Variants in LSAMP observed in about 807,000 individuals in gnomAD.
The protein encoded by LSAMP is limbic system-associated membrane protein.
LSAMP carries 7 observed loss-of-function variants against 38.6 expected under a neutral mutation model. That is an observed-to-expected ratio of 0.18 (90% CI 0.10 to 0.34). The LOEUF is 0.34. Among genes scored for constraint, LSAMP ranks in the 10% least tolerant of loss-of-function variants. The pLI, the probability that LSAMP is intolerant of heterozygous loss-of-function variation, is 1.00. For missense variants in LSAMP, 313 were observed against 420.0 expected, an observed-to-expected ratio of 0.75 and a Z score of 2.23; for synonymous variants, 154 against 166.8, an observed-to-expected ratio of 0.92 and a Z score of 0.59.
At chr3:115,935,759 T>C (rs1937680282) in intron 3 of LSAMP, among the ~76,000 whole-genome samples, 1 of 152,148 alleles carries the variant, frequency 6.6e-6, no homozygotes. Context: ...TTTCACATCA[T>C]GACAATTCCA....
Position 115,803,570 on chromosome 3 carries a change from C to T in LSAMP, c.*6747G>A, listed in dbSNP as rs907120543. 1 of 152,238 alleles carries T rather than the reference C, an allele frequency of 6.6e-6. No homozygotes were observed. Among genetic ancestry groups the T allele is most frequent in the Non-Finnish European group, 1.5e-5 (1 of 68,050 alleles). The allele number at this position is 152,238 out of a possible 1,614,324, so 9.4% of individuals were successfully genotyped here. ...TTTGATTTTGGCCTTCACAACAATT[C>T]ATACTGTCTTCAACTCTGTAACCTC... On this transcript the variant is annotated 3_prime_UTR_variant, in exon 7 of 7. Coordinates refer to ENST00000490035, the MANE Select transcript of LSAMP (RefSeq NM_002338.5).
chr3:116,292,731 G>T (rs539786326), intron 1 of LSAMP, among the ~76,000 whole-genome samples: 2 of 152,286 alleles, frequency 1.3e-5, no homozygotes, highest in Admixed American at 6.5e-5. Flanking sequence ...AATGATTTTG[G>T]TTCCCAGCCT....
At chr3:116,362,698 T>C (rs1283749784) in intron 1 of LSAMP, among the ~76,000 whole-genome samples, 1 of 106,806 alleles carries the variant, frequency 9.4e-6, no homozygotes, top group Non-Finnish European at 1.8e-5. Context: ...AACTCAGGAT[T>C]AAGAATCTCA....
chr3:116,050,058 A>T (rs74871273), intron 2 of LSAMP, among the ~76,000 whole-genome samples: 2,288 of 152,174 alleles, frequency 0.015, 57 homozygotes, highest in African/African-American at 0.052. Context: ...TATCAATGAC[A>T]TCCTTGTCTC....
At chr3:116,373,741 C>T (rs2048461417) in intron 1 of LSAMP, among the ~76,000 whole-genome samples, 1 of 151,782 alleles carries the variant, frequency 6.6e-6, no homozygotes, top group African/African-American at 2.4e-5. Flanking sequence ...GGAATTGGAA[C>T]TGAATAATTT....
intron 1 of LSAMP, among the ~76,000 whole-genome samples, chr3:116,256,016 C>G (rs2046746045): frequency 1.3e-5 from 2 of 152,026 alleles, no homozygotes; most frequent in Admixed American, 1.3e-4. Context: ...CCTTGCTGAT[C>G]CTTCCTTGTT....
chr3:116,440,572 C>T (rs755112631), intron 1 of LSAMP, among the ~76,000 whole-genome samples: 2 of 152,120 alleles, frequency 1.3e-5, no homozygotes, highest in Admixed American at 6.5e-5. Context: ...GCTTTTCTTG[C>T]GAGATTTGCC....
intron 1 of LSAMP, among the ~76,000 whole-genome samples, chr3:116,331,142 G>A (rs2047846779): frequency 6.6e-6 from 1 of 152,048 alleles, no homozygotes; most frequent in Non-Finnish European, 1.5e-5. Context: ...CAAAGACATA[G>A]GTGACCAGTT....
rs369985649 is a variant in LSAMP at position 116,147,170 on chromosome 3, C to T, written c.156-60614G>A. 5.3e-5 allele frequency among the ~76,000 whole-genome samples: 8 copies of T among 151,974 alleles called. 1 individual carries two copies. The highest frequency in any genetic ancestry group is 1.7e-4 in the African/African-American group (7 of 41,524). ...ACATACCTATGCTAAGCTTGACATA[C>T]GTTCTATTTGTCATTATTCTAAATT... is the stretch of plus-strand genomic sequence containing the variant. On this transcript the variant is annotated intron_variant, in intron 1 of 6. Coordinates refer to ENST00000490035, the MANE Select transcript of LSAMP (RefSeq NM_002338.5).
At chr3:116,176,008 C>T (rs867080881) in intron 1 of LSAMP, among the ~76,000 whole-genome samples, 1 of 152,126 alleles carries the variant, frequency 6.6e-6, no homozygotes, top group Non-Finnish European at 1.5e-5. Flanking sequence ...CTTTGGAGGT[C>T]ACCCAATTTA....
At chr3:115,872,922 TTTAA>T (rs750903417) in intron 3 of LSAMP, among the ~76,000 whole-genome samples, 193 of 152,254 alleles carry the variant, frequency 1.3e-3, no homozygotes, top group South Asian at 2.1e-3. Context: ...CTAATACTAG[TTTAA>T]TTAAGGAAGT....
At chr3:116,160,567 T>G (rs998493734) in intron 1 of LSAMP, among the ~76,000 whole-genome samples, 3 of 152,112 alleles carry the variant, frequency 2.0e-5, no homozygotes, top group Non-Finnish European at 4.4e-5. Context: ...TTGGATACTA[T>G]GCTTATTACC....
intron 3 of LSAMP, among the ~76,000 whole-genome samples, chr3:115,911,160 T>C (rs1321850048): frequency 6.6e-6 from 1 of 152,190 alleles, no homozygotes; most frequent in Non-Finnish European, 1.5e-5. Context: ...TGAAATTATA[T>C]ATAAAGCATT....
In LSAMP at chr3:116,020,737, G is replaced by A. The variant is rs138584547; in HGVS notation, c.389-1097C>T. Among the ~76,000 whole-genome samples, 318 of 152,324 alleles carry A rather than the reference G, an allele frequency of 2.1e-3. 2 individuals are homozygous for A. Among genetic ancestry groups the A allele is most frequent in the African/African-American group, 6.9e-3 (286 of 41,576 alleles). On this transcript the variant is annotated intron_variant, in intron 2 of 6. Coordinates refer to ENST00000490035, the MANE Select transcript of LSAMP (RefSeq NM_002338.5). ...TGAATTACTCACAAATTTCATCACA[G>A]AGGTTATGCACTGATTACAAATAGC...
At chr3:115,905,778 C>T (rs1936993965) in intron 3 of LSAMP, among the ~76,000 whole-genome samples, 1 of 152,092 alleles carries the variant, frequency 6.6e-6, no homozygotes, top group Non-Finnish European at 1.5e-5. Context: ...CTACAGTTCC[C>T]AGCGGAAGAG....
intron 3 of LSAMP, among the ~76,000 whole-genome samples, chr3:115,929,557 A>G (rs921846394): frequency 3.3e-5 from 5 of 152,168 alleles, no homozygotes; most frequent in Non-Finnish European, 7.4e-5. Flanking sequence ...CACATCAAAC[A>G]GGGAGAATAT....
At chr3:116,122,122 T>C (rs750921321) in intron 1 of LSAMP, among the ~76,000 whole-genome samples, 32 of 152,086 alleles carry the variant, frequency 2.1e-4, no homozygotes, top group Non-Finnish European at 4.3e-4. Flanking sequence ...GTGAGAACAA[T>C]AGGGGAAGGC....
At chr3:115,952,895 T>C (rs995806874) in intron 3 of LSAMP, among the ~76,000 whole-genome samples, 1 of 152,186 alleles carries the variant, frequency 6.6e-6, no homozygotes, top group Non-Finnish European at 1.5e-5. Flanking sequence ...GTAAAAATAA[T>C]TACTGAATGC....
chr3:116,297,605 T>C (rs2047353311), intron 1 of LSAMP, among the ~76,000 whole-genome samples: 1 of 152,200 alleles, frequency 6.6e-6, no homozygotes, highest in African/African-American at 2.4e-5. Flanking sequence ...TATACCATCC[T>C]ACATTTCAAT....
Sources: allele counts gnomAD v4.1 joint callset (sites outside exome capture counted in the v4.1 genomes callset), GRCh38; gene constraint gnomAD v4.1.1; transcripts MANE v1.5; gene names NCBI Gene and HGNC (gene_info 2026-07-23, HGNC 2026-07-21).